Variants in EIPR1 observed in about 807,000 individuals in gnomAD.
The protein encoded by EIPR1 is EARP complex and GARP complex interacting protein 1.
Under a neutral mutation model 48.1 loss-of-function variants are expected in EIPR1, and 25 were observed. That is an observed-to-expected ratio of 0.52 (90% CI 0.38 to 0.73). The LOEUF is 0.73. Among genes scored for constraint, EIPR1 ranks in the 30% least tolerant of loss-of-function variants. EIPR1 has a pLI of 0.00. For missense variants in EIPR1, 415 were observed against 506.2 expected, an observed-to-expected ratio of 0.82 and a Z score of 1.73; for synonymous variants, 204 against 201.9, an observed-to-expected ratio of 1.01 and a Z score of -0.09.
intron 3 of EIPR1, among the ~76,000 whole-genome samples, chr2:3,303,365 C>T (rs913259965): frequency 6.6e-6 from 1 of 152,340 alleles, no homozygotes; most frequent in South Asian, 2.1e-4. Flanking sequence ...CTGCGGCCCC[C>T]ATCCAGCACA....
In EIPR1 at chr2:3,205,573, T is replaced by G. The variant is rs552128132; in HGVS notation, c.517-8556A>C. On this transcript the variant is annotated intron_variant, in intron 5 of 8. Coordinates refer to ENST00000382125, the MANE Select transcript of EIPR1 (RefSeq NM_003310.5). ...TGTTATAGCAGATAATAAAGATTCC[T>G]CATTGTTTAAGTCATTCCCTGTGTC... Among the ~76,000 whole-genome samples the G allele has an allele frequency of 2.0e-5, 3 of 152,356 alleles. No individual in the cohort carries two copies. The East Asian group carries it at 5.8e-4, about 29-fold the overall frequency.
chr2:3,301,128 T>C (rs1165726409), intron 3 of EIPR1: 1 of 152,118 alleles, frequency 6.6e-6, no homozygotes, highest in Non-Finnish European at 1.5e-5. Flanking sequence ...GAAATGACAG[T>C]TTCTTTGGAC....
intron 5 of EIPR1, among the ~76,000 whole-genome samples, chr2:3,202,217 G>T (rs960401182): frequency 6.6e-6 from 1 of 152,240 alleles, no homozygotes; most frequent in East Asian, 1.9e-4. Flanking sequence ...GATTACAGGC[G>T]TGAGCCACCG....
Position 3,189,925 on chromosome 2 carries a change from C to G in EIPR1, c.990-417G>C, listed in dbSNP as rs757546012. Among the ~76,000 whole-genome samples the G allele has an allele frequency of 6.6e-5, 10 of 152,112 alleles. No homozygotes were observed. Among genetic ancestry groups the G allele is most frequent in the Non-Finnish European group, 1.0e-4 (7 of 68,014 alleles). On this transcript the variant is annotated intron_variant, in intron 8 of 8. Transcript: ENST00000382125. This position sits in a 1 kb window ranked among gnomAD's most constrained non-coding sequence, Gnocchi z 4.6. Reference sequence around the variant, plus strand: ...GATGTAAACGCCCCTATTGCTTGAGCAGAAAGGACCCTGGGAAGCAGCGGG... The same window carrying G: ...GATGTAAACGCCCCTATTGCTTGAGGAGAAAGGACCCTGGGAAGCAGCGGG...
rs535277490 is a variant in EIPR1, at chr2:3,232,692, A to G, written c.417-18444T>C. Among the ~76,000 whole-genome samples, 6 of 152,272 alleles carry G rather than the reference A, an allele frequency of 3.9e-5. No homozygotes were observed. The South Asian group carries it at 1.2e-3, about 32-fold the overall frequency. ...ACAGCATCACACTCACTCTCCTCTC[A>G]GGGGAGAGAGCCGGTTCCCCCATGT... is the stretch of plus-strand genomic sequence containing the variant. On this transcript the variant is annotated intron_variant, in intron 4 of 8. Coordinates refer to ENST00000382125, the MANE Select transcript of EIPR1 (RefSeq NM_003310.5).
At chr2:3,211,618 G>A (rs1665459513) in intron 5 of EIPR1, among the ~76,000 whole-genome samples, 1 of 152,176 alleles carries the variant, frequency 6.6e-6, no homozygotes, top group African/African-American at 2.4e-5. Flanking sequence ...ACTTTCCAAT[G>A]GAAACACTGT....
intron 4 of EIPR1, among the ~76,000 whole-genome samples, chr2:3,248,133 C>G (rs2103202611): frequency 6.6e-6 from 1 of 152,206 alleles, no homozygotes; most frequent in Non-Finnish European, 1.5e-5. Flanking sequence ...TCAGTTAGTT[C>G]ATACACAATC....
At chr2:3,260,268 G>A (rs537035019) in intron 3 of EIPR1, among the ~76,000 whole-genome samples, 7 of 152,256 alleles carry the variant, frequency 4.6e-5, no homozygotes, top group East Asian at 1.9e-4. Context: ...CAAGGCAGGC[G>A]GATCATGAGG....
intron 2 of EIPR1, among the ~76,000 whole-genome samples, chr2:3,354,246 G>A (rs1227936311): frequency 1.3e-5 from 2 of 152,150 alleles, no homozygotes; most frequent in East Asian, 1.9e-4. Flanking sequence ...AGAAGAAGGG[G>A]TAGTGGTGAC....
chr2:3,267,871 T>G (rs1156341686), intron 3 of EIPR1, among the ~76,000 whole-genome samples: 2 of 152,166 alleles, frequency 1.3e-5, no homozygotes, highest in Admixed American at 1.3e-4. Context: ...AAGGAAGAAA[T>G]CGGCTGGCTC....
chr2:3,267,225 C>G (rs761494567), intron 3 of EIPR1, among the ~76,000 whole-genome samples: 4 of 152,344 alleles, frequency 2.6e-5, no homozygotes, highest in South Asian at 2.1e-4. Flanking sequence ...AGGACGACCA[C>G]AGAGCACTCA....
chr2:3,295,767 G>GCA (rs1354757012), intron 3 of EIPR1, among the ~76,000 whole-genome samples: 5 of 50,396 alleles, frequency 9.9e-5, no homozygotes, highest in East Asian at 6.8e-4. Flanking sequence ...TCCTCTCTCT[G>GCA]CACACACACC....
intron 1 of EIPR1, among the ~76,000 whole-genome samples, chr2:3,356,320 T>A (rs954413488): frequency 6.6e-6 from 1 of 152,174 alleles, no homozygotes; most frequent in Non-Finnish European, 1.5e-5. Flanking sequence ...ATCTCAGAAG[T>A]GGCTGGATTT....
At chr2:3,194,705 C>G (rs1379677363) in intron 6 of EIPR1, among the ~76,000 whole-genome samples, 12 of 144,630 alleles carry the variant, frequency 8.3e-5, no homozygotes, top group Non-Finnish European at 1.8e-4. Flanking sequence ...AAGGGGGGGG[C>G]AGTGGGGAAG....
Position 3,321,068 on chromosome 2 carries a change from G to C in EIPR1, c.259+16949C>G, listed in dbSNP as rs1024406490. Among the ~76,000 whole-genome samples the C allele has an allele frequency of 3.3e-5, 5 of 152,320 alleles. 1 individual carries two copies. The highest frequency in any genetic ancestry group is 6.8e-3 in the Middle Eastern group (2 of 294). The stretch of plus-strand genomic sequence containing the variant: ...CTAACATATCTGAACAGGGCAGGAG[G>C]CTCCACCTGAAGCATGCTGCTGAGG... On this transcript the variant is annotated intron_variant, in intron 3 of 8. Coordinates refer to ENST00000382125, the MANE Select transcript of EIPR1 (RefSeq NM_003310.5).
intron 3 of EIPR1, among the ~76,000 whole-genome samples, chr2:3,302,363 T>A (rs1668787314): frequency 6.6e-6 from 1 of 152,130 alleles, no homozygotes; most frequent in African/African-American, 2.4e-5. Flanking sequence ...AATTAAAATT[T>A]AAATTTAAAT....
chr2:3,238,889 C>G (rs564296146), intron 4 of EIPR1, among the ~76,000 whole-genome samples: 3 of 152,342 alleles, frequency 2.0e-5, no homozygotes, highest in Admixed American at 1.3e-4. Context: ...CGTCCACTAC[C>G]TAGCCTTGGA....
At chr2:3,220,728 A>C (rs568206602) in intron 4 of EIPR1, among the ~76,000 whole-genome samples, 1 of 151,272 alleles carries the variant, frequency 6.6e-6, no homozygotes, top group Non-Finnish European at 1.5e-5. Context: ...GAACATTCAC[A>C]GTGAGTCCGG....
intron 4 of EIPR1, among the ~76,000 whole-genome samples, chr2:3,231,723 C>T (rs1666248817): frequency 6.6e-6 from 1 of 152,142 alleles, no homozygotes; most frequent in Non-Finnish European, 1.5e-5. Context: ...TACTGTGCTG[C>T]TGTATTTGGT....
Sources: gnomAD v4.1 joint callset for allele counts (sites outside exome capture counted in the v4.1 genomes callset) on GRCh38, gnomAD v4.1.1 for gene constraint, Gnocchi (gnomAD v3.1) non-coding constraint, MANE v1.5 for transcripts, NCBI Gene and HGNC (gene_info 2026-07-23, HGNC 2026-07-21) for gene names.